E2F3: variants seen among roughly 807,000 people sequenced by gnomAD.
E2F3 encodes the protein E2F transcription factor 3, also known as transcription factor E2F3.
A neutral mutation model predicts 44.4 loss-of-function variants in E2F3; 11 were observed. That is an observed-to-expected ratio of 0.25 (90% CI 0.16 to 0.41). The LOEUF is 0.41. Ranked by LOEUF, E2F3 falls within the 10% of genes least tolerant of loss-of-function variation. The pLI is 1.00. For missense variants in E2F3, 487 were observed against 583.6 expected, an observed-to-expected ratio of 0.83 and a Z score of 1.70; for synonymous variants, 249 against 253.0, an observed-to-expected ratio of 0.98 and a Z score of 0.15.
rs1168215989 is a variant in E2F3 at position 20,405,403 on chromosome 6, A to G, written c.393+2778A>G. 2.8e-5 allele frequency among the ~76,000 whole-genome samples: 4 copies of G among 144,336 alleles called. No homozygotes were observed. The East Asian group carries it at 8.2e-4, about 30-fold the overall frequency. 94.7% of individuals were successfully genotyped at this position (144,336 alleles called of 152,430 possible). A position where few individuals can be genotyped will look rare whatever the true frequency, so the allele number is the denominator to read the frequency against. ...ATTCTGTCGCCCAGGCTGGAGTGCA[A>G]TGGCACGATCTCGGCTCACTGCAAC... is the stretch of plus-strand genomic sequence containing the variant. On this transcript the variant is annotated intron_variant, in intron 1 of 6. Coordinates refer to ENST00000346618, the MANE Select transcript of E2F3 (RefSeq NM_001949.5).
At chr6:20,451,128 A>G (rs543594928) in intron 1 of E2F3, among the ~76,000 whole-genome samples, 5 of 152,258 alleles carry the variant, frequency 3.3e-5, no homozygotes, top group African/African-American at 1.2e-4. Flanking sequence ...TTGGTTCCAT[A>G]TGAATTTTAA....
rs1759343142 is a variant in E2F3, at chr6:20,402,595, C to T, written c.363C>T (p.Arg121=). ...TGCAGCAGCCACCAGCGCTGGGACG[C>T]GGCGGCAGCGGCGGCGGCGGCGGCC... ...GLLQQPPALG[R]GGSGGGGGPP... is the part of the protein sequence containing the mutation. Residue 121 remains arginine (R), a synonymous_variant, in exon 1 of 7, where the codon CGC becomes CGT. Coordinates refer to ENST00000346618, the MANE Select transcript of E2F3 (RefSeq NM_001949.5). The surrounding 1 kb of genome is among the most constrained non-coding windows in gnomAD (Gnocchi z 5.6). 2 of 1,350,616 alleles carry T rather than the reference C, an allele frequency of 1.5e-6. No homozygotes were observed. The highest frequency in any genetic ancestry group is 1.9e-5 in the South Asian group (1 of 52,916). The allele number at this position is 1,350,616 out of a possible 1,614,324, so 83.7% of individuals were successfully genotyped here. A position where few individuals can be genotyped will look rare whatever the true frequency, so the allele number is the denominator to read the frequency against.
At chr6:20,428,013 C>T (rs1482814856) in intron 1 of E2F3, among the ~76,000 whole-genome samples, 1 of 152,142 alleles carries the variant, frequency 6.6e-6, no homozygotes, top group Non-Finnish European at 1.5e-5. Context: ...TGCCTTGAAG[C>T]TCTCGCAGGG....
At chr6:20,451,660 A>T (rs1761135569) in intron 1 of E2F3, among the ~76,000 whole-genome samples, 1 of 152,206 alleles carries the variant, frequency 6.6e-6, no homozygotes, top group Non-Finnish European at 1.5e-5. Flanking sequence ...GAATGCTTCC[A>T]GCTTTTGCCC....
At chr6:20,440,275 A>G (rs1760730719) in intron 1 of E2F3, 1 of 152,264 alleles carries the variant, frequency 6.6e-6, no homozygotes, top group African/African-American at 2.4e-5. Context: ...AATCATAACT[A>G]TAGTTATCCA....
At chr6:20,478,430 G>A (rs1762114912) in intron 1 of E2F3, among the ~76,000 whole-genome samples, 1 of 152,202 alleles carries the variant, frequency 6.6e-6, no homozygotes, top group South Asian at 2.1e-4. Context: ...GGGTTAGCTG[G>A]TAACTTTCCA....
At chr6:20,403,582 A>C (rs1440895397) in intron 1 of E2F3, 33 of 450,950 alleles carry the variant, frequency 7.3e-5, no homozygotes, top group Non-Finnish European at 4.0e-6. Context: ...CGGCGGCGGG[A>C]GGGGGCGCTG....
At chr6:20,419,845 C>T (rs952596980) in intron 1 of E2F3, among the ~76,000 whole-genome samples, 2 of 150,644 alleles carry the variant, frequency 1.3e-5, no homozygotes, top group African/African-American at 2.4e-5. Flanking sequence ...GGATTACAGG[C>T]GCAAGCTACT....
chr6:20,456,940 G>T (rs1426448887), intron 1 of E2F3, among the ~76,000 whole-genome samples: 1 of 152,128 alleles, frequency 6.6e-6, no homozygotes, highest in East Asian at 1.9e-4. Flanking sequence ...CATTTATCAA[G>T]AAAAGCAATG....
At chr6:20,477,186 C>G (rs1762077845) in intron 1 of E2F3, among the ~76,000 whole-genome samples, 1 of 151,982 alleles carries the variant, frequency 6.6e-6, no homozygotes, top group Non-Finnish European at 1.5e-5. Flanking sequence ...GTTGATCAGG[C>G]TGGTCTTGAA....
chr6:20,408,280 C>T (rs1561846109), intron 1 of E2F3, among the ~76,000 whole-genome samples: 1 of 152,190 alleles, frequency 6.6e-6, no homozygotes, highest in African/African-American at 2.4e-5. Flanking sequence ...AGTTATACCA[C>T]AGAAGGTACT....
intron 1 of E2F3, among the ~76,000 whole-genome samples, chr6:20,408,360 C>T (rs77089186): frequency 0.011 from 1,663 of 152,182 alleles, 38 homozygotes; most frequent in African/African-American, 0.038. Context: ...GATAACATAC[C>T]GAGTTTCTAT....
chr6:20,492,799 T>G lies in E2F3; in HGVS notation c.*2369T>G. On this transcript the variant is annotated 3_prime_UTR_variant, in exon 7 of 7. Coordinates refer to ENST00000346618, the MANE Select transcript of E2F3 (RefSeq NM_001949.5). ...GTACATTAATTAGATGTCCATACTG[T>G]ATTTTGTTTGCATTAAGTAATTTTC... 1 of 228,224 alleles carries G rather than the reference T, an allele frequency of 4.4e-6. No individual in the cohort carries two copies. Among genetic ancestry groups the G allele is most frequent in the Non-Finnish European group, 8.7e-6 (1 of 114,660 alleles). 14.1% of individuals were successfully genotyped at this position (228,224 alleles called of 1,614,324 possible).
intron 3 of E2F3, among the ~76,000 whole-genome samples, chr6:20,482,235 C>T (rs1273042937): frequency 1.7e-4 from 26 of 152,046 alleles, no homozygotes; most frequent in Admixed American, 1.6e-3. Context: ...TTCTTGCATA[C>T]ATCACATACA....
At chr6:20,487,148 C>T (rs1003182294) in intron 5 of E2F3, among the ~76,000 whole-genome samples, 8 of 152,124 alleles carry the variant, frequency 5.3e-5, no homozygotes, top group Admixed American at 4.6e-4. Flanking sequence ...GTCCCCACCA[C>T]GAACAGATAT....
intron 4 of E2F3, among the ~76,000 whole-genome samples, chr6:20,484,819 G>A (rs1762336830): frequency 6.6e-6 from 1 of 152,100 alleles, no homozygotes; most frequent in African/African-American, 2.4e-5. Flanking sequence ...CAGGCACGGT[G>A]GCTCATGCCT....
chr6:20,475,448 G>A (rs757433978), intron 1 of E2F3, among the ~76,000 whole-genome samples: 1 of 152,168 alleles, frequency 6.6e-6, no homozygotes, highest in Non-Finnish European at 1.5e-5. Flanking sequence ...TTACTGCTGA[G>A]GCACGGCCCT....
chr6:20,490,451 C>T lies in E2F3; in HGVS notation c.*21C>T, dbSNP rs759177070. The T allele has an allele frequency of 4.3e-5, 66 of 1,523,982 alleles. No homozygotes were observed. Among genetic ancestry groups the T allele is most frequent in the Non-Finnish European group, 5.6e-5 (64 of 1,136,148 alleles). 94.4% of individuals were successfully genotyped at this position (1,523,982 alleles called of 1,614,324 possible). A position where few individuals can be genotyped will look rare whatever the true frequency, so the allele number is the denominator to read the frequency against. ...GTTGATTATGCTTCGTGTGAACTCT[C>T]CTTAAAAACCGATATTTTTTTATCA... On this transcript the variant is annotated 3_prime_UTR_variant, in exon 7 of 7. Coordinates refer to ENST00000346618, the MANE Select transcript of E2F3 (RefSeq NM_001949.5). The surrounding 1 kb of genome is among the most constrained non-coding windows in gnomAD (Gnocchi z 4.3).
chr6:20,439,833 C>G (rs1252529372), intron 1 of E2F3: 1 of 152,162 alleles, frequency 6.6e-6, no homozygotes, highest in Non-Finnish European at 1.5e-5. Flanking sequence ...TGGCCCTCCT[C>G]CAATTTTTTC....
Sources: allele counts gnomAD v4.1 joint callset (sites outside exome capture counted in the v4.1 genomes callset), GRCh38; gene constraint gnomAD v4.1.1; non-coding constraint Gnocchi (gnomAD v3.1); transcripts MANE v1.5; gene names NCBI Gene and HGNC (gene_info 2026-07-23, HGNC 2026-07-21).